LRBA: variants seen among roughly 807,000 people sequenced by gnomAD.
LRBA encodes LPS responsive beige-like anchor protein.
A neutral mutation model predicts 330.0 loss-of-function variants in LRBA; 176 were observed. That is an observed-to-expected ratio of 0.53 (90% CI 0.47 to 0.60). The LOEUF (loss-of-function observed/expected upper bound fraction) is 0.60. LRBA is among the 20% of genes least tolerant of loss of function. The pLI is 0.00. For synonymous variants in LRBA, 1,230 were observed against 1,193.0 expected (o/e 1.03, Z -0.64); for missense variants, 3,259 against 3,444.8 (o/e 0.95, Z 1.35).
chr4:150,533,171 C>CT (rs1462436790), intron 40 of LRBA, among the ~76,000 whole-genome samples: 8 of 151,982 alleles, frequency 5.3e-5, no homozygotes, highest in East Asian at 1.9e-4. Flanking sequence ...ATAAACCCAT[C>CT]TTTTTTTGTT....
chr4:151,001,569 C>G (rs1404013468), intron 2 of LRBA, among the ~76,000 whole-genome samples: 1 of 152,128 alleles, frequency 6.6e-6, no homozygotes, highest in Non-Finnish European at 1.5e-5. Flanking sequence ...ACCACCACAG[C>G]TGGCATCTAC....
chr4:150,834,419 C>T (rs1317443671), intron 28 of LRBA, among the ~76,000 whole-genome samples: 1 of 152,130 alleles, frequency 6.6e-6, no homozygotes, highest in Non-Finnish European at 1.5e-5. Flanking sequence ...GAATATTTCA[C>T]TAAAAAGCAT....
chr4:150,928,483 T>G (rs1426325838), intron 4 of LRBA, 33 bp downstream of exon 4: 1 of 1,394,502 alleles, frequency 7.2e-7, no homozygotes, highest in Non-Finnish European at 1.0e-6. Context: ...GGAGCATACT[T>G]TAAAATACCA....
intron 28 of LRBA, among the ~76,000 whole-genome samples, chr4:150,842,782 G>T (rs1250399093): frequency 6.6e-6 from 1 of 151,992 alleles, no homozygotes; most frequent in Non-Finnish European, 1.5e-5. Context: ...CTTAAATATT[G>T]CTAACTCCCT....
intron 40 of LRBA, among the ~76,000 whole-genome samples, chr4:150,559,788 ATATAAT>A (rs1767949718): frequency 1.2e-5 from 1 of 86,350 alleles, no homozygotes; most frequent in South Asian, 2.6e-4. Context: ...ATTATATTAT[ATATAAT>A]TATAATATGT....
chr4:150,489,391 TAAA>T (rs1237914591), intron 41 of LRBA, among the ~76,000 whole-genome samples: 4,121 of 49,268 alleles, frequency 0.084, 1,246 homozygotes, highest in Non-Finnish European at 0.12. Flanking sequence ...TATAAGAATA[TAAA>T]ATATATTATA....
intron 40 of LRBA, among the ~76,000 whole-genome samples, chr4:150,506,044 G>A (rs1761028339): frequency 6.6e-6 from 1 of 152,174 alleles, no homozygotes; most frequent in Non-Finnish European, 1.5e-5. Flanking sequence ...TTGAATCTCT[G>A]AATAGACCAA....
rs969252267 is a variant in LRBA at position 150,805,959 on chromosome 4, A to G, written c.5518+312T>C. On this transcript the variant is annotated intron_variant, in intron 33 of 56. Transcript: ENST00000651943. The stretch of plus-strand genomic sequence containing the variant: ...TGTTGTTCATATGGATCTAAGTTCA[A>G]GTAAAATCCTGTGACACTAGTCTCT... Among the ~76,000 whole-genome samples the G allele has an allele frequency of 1.3e-5, 2 of 152,184 alleles. 1 individual carries two copies. Among genetic ancestry groups the G allele is most frequent in the Non-Finnish European group, 2.9e-5 (2 of 68,024 alleles).
chr4:150,378,132 T>C (rs1054961802), intron 47 of LRBA, among the ~76,000 whole-genome samples: 1 of 152,214 alleles, frequency 6.6e-6, no homozygotes. Flanking sequence ...CAGACGTAAA[T>C]AGATATTTTA....
intron 34 of LRBA, among the ~76,000 whole-genome samples, chr4:150,782,824 C>T (rs1738464888): frequency 6.6e-6 from 1 of 151,970 alleles, no homozygotes; most frequent in Non-Finnish European, 1.5e-5. Flanking sequence ...AAAGAGCAAG[C>T]AGACGAAAAG....
intron 36 of LRBA, among the ~76,000 whole-genome samples, chr4:150,701,391 C>A (rs1369480498): frequency 6.6e-6 from 1 of 151,138 alleles, no homozygotes; most frequent in Non-Finnish European, 1.5e-5. Context: ...CGTTTAATAT[C>A]ATTACCAAGT....
chr4:150,378,403 G>A (rs1741689830), intron 47 of LRBA, among the ~76,000 whole-genome samples: 2 of 152,108 alleles, frequency 1.3e-5, no homozygotes, highest in South Asian at 4.1e-4. Flanking sequence ...AGTAAATCAT[G>A]TTTCCAGATG....
chr4:150,364,411 T>C (rs1435485760), intron 47 of LRBA, among the ~76,000 whole-genome samples: 3 of 152,254 alleles, frequency 2.0e-5, no homozygotes, highest in East Asian at 1.9e-4. Flanking sequence ...CTTAAGCAAA[T>C]TGTCTGATGT....
intron 9 of LRBA, among the ~76,000 whole-genome samples, chr4:150,912,770 C>T (rs1732155794): frequency 6.6e-6 from 1 of 151,964 alleles, no homozygotes; most frequent in African/African-American, 2.4e-5. Flanking sequence ...GTTCTTTTTC[C>T]AGTTCCATGT....
intron 34 of LRBA, among the ~76,000 whole-genome samples, chr4:150,768,285 G>A (rs1358193521): frequency 1.3e-5 from 2 of 152,020 alleles, no homozygotes; most frequent in Admixed American, 6.6e-5. Context: ...GAATCAACAT[G>A]AGGAAGGAAA....
intron 36 of LRBA, among the ~76,000 whole-genome samples, chr4:150,710,829 G>T (rs1331404932): frequency 4.0e-5 from 6 of 151,858 alleles, no homozygotes; most frequent in African/African-American, 1.5e-4. Context: ...AGAAGAAAAA[G>T]AGGCCCTTGT....
chr4:150,504,101 C>A (rs1232769382), intron 40 of LRBA, among the ~76,000 whole-genome samples: 1 of 151,958 alleles, frequency 6.6e-6, no homozygotes, highest in Non-Finnish European at 1.5e-5. Context: ...GTGAAAAGAC[C>A]AAATCTACAT....
chr4:150,623,356 C>A (rs760726519), intron 37 of LRBA, among the ~76,000 whole-genome samples: 1 of 152,002 alleles, frequency 6.6e-6, no homozygotes, highest in Non-Finnish European at 1.5e-5. Context: ...ATTGCAGCAC[C>A]TCTAAATAAA....
intron 17 of LRBA, among the ~76,000 whole-genome samples, chr4:150,883,085 T>C (rs988397403): frequency 1.3e-5 from 2 of 152,220 alleles, no homozygotes; most frequent in Non-Finnish European, 2.9e-5. Flanking sequence ...CTTGAGACTG[T>C]GCTTACACCC....
Sources: gnomAD v4.1 joint callset for allele counts (sites outside exome capture counted in the v4.1 genomes callset) on GRCh38, gnomAD v4.1.1 for gene constraint, MANE v1.5 for transcripts, NCBI Gene and HGNC (gene_info 2026-07-23, HGNC 2026-07-21) for gene names.